ZNF710: variants seen among roughly 807,000 people sequenced by gnomAD.
The protein encoded by ZNF710 is zinc finger protein 710.
A neutral mutation model predicts 50.6 loss-of-function variants in ZNF710; 13 were observed. The ratio of observed to expected loss-of-function variants is 0.26; its 90% confidence interval spans 0.17 to 0.41. The LOEUF (loss-of-function observed/expected upper bound fraction) is 0.41, where lower values mean the gene tolerates loss of function less well. ZNF710 is among the 10% of genes least tolerant of loss of function. The pLI, the probability that ZNF710 is intolerant of heterozygous loss-of-function variation, is 1.00. For synonymous variants in ZNF710, 383 were observed against 397.0 expected (o/e 0.96, Z 0.42); for missense variants, 721 against 936.6 (o/e 0.77, Z 3.01).
At chr15:90,032,043 C>A (rs538670519) in intron 1 of ZNF710, among the ~76,000 whole-genome samples, 1 of 152,374 alleles carries the variant, frequency 6.6e-6, no homozygotes, top group African/African-American at 2.4e-5. Flanking sequence ...GTCGCCCAGG[C>A]TGGAGTGCAG....
At chr15:90,070,240 G>A (rs775738516) in intron 2 of ZNF710, among the ~76,000 whole-genome samples, 1 of 152,118 alleles carries the variant, frequency 6.6e-6, no homozygotes. Flanking sequence ...CACACCTGTA[G>A]TCCCAGTTAC....
intron 1 of ZNF710, among the ~76,000 whole-genome samples, chr15:90,066,474 A>ATTTTTTT (rs71461840): frequency 6.6e-5 from 8 of 120,522 alleles, no homozygotes; most frequent in South Asian, 5.7e-4. Context: ...ATTTTTAAGG[A>ATTTTTTT]TTTTTTTTTT....
intron 1 of ZNF710, among the ~76,000 whole-genome samples, chr15:90,052,925 TC>T (rs1183157017): frequency 6.6e-6 from 1 of 152,130 alleles, no homozygotes; most frequent in African/African-American, 2.4e-5. Flanking sequence ...AGAGAGAGAC[TC>T]TGCCTCAAAA....
chr15:90,044,009 G>A (rs1382315686), intron 1 of ZNF710, among the ~76,000 whole-genome samples: 1 of 152,146 alleles, frequency 6.6e-6, no homozygotes, highest in East Asian at 1.9e-4. Flanking sequence ...CAGTAGGGAA[G>A]TGGGTTTATT....
In ZNF710 at chr15:90,054,917, T is replaced by TAG. The variant is rs1349931836; in HGVS notation, c.-28-12193_-28-12192insAG. ...AGGGAAAAGAGGCGGGCAGGGTCTA[T>TAG]CTGGCTGCTGTCCAAAGCTGGTCTC... On this transcript the variant is annotated intron_variant, in intron 1 of 4. Transcript: ENST00000268154. Among the ~76,000 whole-genome samples the TAG allele has an allele frequency of 2.6e-5, 4 of 152,306 alleles. No individual in the cohort carries two copies. The East Asian group carries it at 7.7e-4, about 29-fold the overall frequency.
intron 1 of ZNF710, among the ~76,000 whole-genome samples, chr15:90,029,474 A>C (rs571777110): frequency 2.6e-5 from 4 of 152,162 alleles, no homozygotes; most frequent in Non-Finnish European, 5.9e-5. Context: ...GGACTTTCAA[A>C]CTTGATAATA....
chr15:90,035,121 G>C (rs1241648948), intron 1 of ZNF710, among the ~76,000 whole-genome samples: 3 of 152,260 alleles, frequency 2.0e-5, no homozygotes, highest in Non-Finnish European at 4.4e-5. Flanking sequence ...GGCTGGGCCA[G>C]GCTGGGCACA....
At chr15:90,061,251 A>G (rs908126317) in intron 1 of ZNF710, among the ~76,000 whole-genome samples, 1 of 152,148 alleles carries the variant, frequency 6.6e-6, no homozygotes, top group African/African-American at 2.4e-5. Context: ...GCTCACTGCA[A>G]CCTTCGCCTC....
intron 4 of ZNF710, among the ~76,000 whole-genome samples, chr15:90,078,603 C>G (rs578203800): frequency 6.6e-6 from 1 of 152,218 alleles, no homozygotes; most frequent in Non-Finnish European, 1.5e-5. Flanking sequence ...TTCCAGGTGA[C>G]AGTTGGCCAT....
chr15:89,998,822 G>A (rs1241197737), upstream of ZNF710, among the ~76,000 whole-genome samples: 1 of 152,180 alleles, frequency 6.6e-6, no homozygotes, highest in Admixed American at 6.5e-5. Flanking sequence ...CTTAAACTAA[G>A]ACACTGTCTC....
chr15:90,062,294 G>A lies in ZNF710; in HGVS notation c.-28-4816G>A, dbSNP rs1452481600. On this transcript the variant is annotated intron_variant, in intron 1 of 4. Coordinates refer to ENST00000268154, the MANE Select transcript of ZNF710 (RefSeq NM_198526.4). This position sits in a 1 kb window ranked among gnomAD's most constrained non-coding sequence, Gnocchi z 5.6. ...AACTACAATCAGGCAGCTCATCTGTGTCTATTTCCCCGCCTTTCACATTGA... is the reference window on the plus strand; with the variant it reads ...AACTACAATCAGGCAGCTCATCTGTATCTATTTCCCCGCCTTTCACATTGA... Among the ~76,000 whole-genome samples, 2 of 151,776 alleles carry A rather than the reference G, an allele frequency of 1.3e-5. No individual in the cohort carries two copies. Among genetic ancestry groups the A allele is most frequent in the Non-Finnish European group, 2.9e-5 (2 of 67,978 alleles).
At chr15:90,074,340 G>C in intron 4 of ZNF710, 50 bp downstream of exon 4, 1 of 1,602,750 alleles carries the variant, frequency 6.2e-7, no homozygotes, top group East Asian at 2.2e-5. Flanking sequence ...CCAACATGAC[G>C]CACTCAGGAG....
chr15:90,033,508 G>C (rs993935425), intron 1 of ZNF710, among the ~76,000 whole-genome samples: 6 of 152,172 alleles, frequency 3.9e-5, no homozygotes, highest in African/African-American at 1.4e-4. Flanking sequence ...AGGCTAGCCG[G>C]CTACTCCACG....
At chr15:90,072,997 C>A in intron 2 of ZNF710, 74 bp from the exon 3 acceptor site, 1 of 1,512,448 alleles carries the variant, frequency 6.6e-7, no homozygotes, top group Non-Finnish European at 9.0e-7. Flanking sequence ...TGCCCCTACC[C>A]GGCTCCCCAC....
rs1029876624 is a variant in ZNF710, at chr15:90,059,473, T to C, written c.-28-7637T>C. On this transcript the variant is annotated intron_variant, in intron 1 of 4. Coordinates refer to ENST00000268154, the MANE Select transcript of ZNF710 (RefSeq NM_198526.4). The surrounding 1 kb of genome is among the most constrained non-coding windows in gnomAD (Gnocchi z 4.1). ...CCTCATCTGTTAACAGGGCCGGGTATGGTGCGCATCACGGGGGTTTGTGGG... is the reference window on the plus strand; with the variant it reads ...CCTCATCTGTTAACAGGGCCGGGTACGGTGCGCATCACGGGGGTTTGTGGG... Among the ~76,000 whole-genome samples, 1 of 152,076 alleles carries C rather than the reference T, an allele frequency of 6.6e-6. No homozygotes were observed. The highest frequency in any genetic ancestry group is 6.5e-5 in the Admixed American group (1 of 15,270).
chr15:90,051,365 G>T (rs1441161780), intron 1 of ZNF710, among the ~76,000 whole-genome samples: 1 of 152,084 alleles, frequency 6.6e-6, no homozygotes, highest in Non-Finnish European at 1.5e-5. Context: ...TAGGCGCAGT[G>T]GTTCACGCCT....
At chr15:90,073,426 G>T (rs1398968588) in intron 3 of ZNF710, among the ~76,000 whole-genome samples, 164 bp downstream of exon 3, 2 of 152,260 alleles carry the variant, frequency 1.3e-5, no homozygotes, top group Admixed American at 1.3e-4. Flanking sequence ...GGGAGGGCAG[G>T]CGGGGATTCA....
intron 1 of ZNF710, among the ~76,000 whole-genome samples, chr15:90,041,720 A>AC (rs1282032289): frequency 1.3e-5 from 2 of 152,130 alleles, no homozygotes; most frequent in East Asian, 3.9e-4. Flanking sequence ...TAAGGGCAGG[A>AC]CCGAGTCTTG....
intron 1 of ZNF710, among the ~76,000 whole-genome samples, chr15:90,026,210 T>G (rs1292726887): frequency 6.9e-6 from 1 of 145,376 alleles, no homozygotes; most frequent in Admixed American, 7.0e-5. Context: ...CCCCTGGCAA[T>G]TCTATTTGAG....
Sources: allele counts gnomAD v4.1 joint callset (sites outside exome capture counted in the v4.1 genomes callset), GRCh38; gene constraint gnomAD v4.1.1; non-coding constraint Gnocchi (gnomAD v3.1); transcripts MANE v1.5; gene names NCBI Gene and HGNC (gene_info 2026-07-23, HGNC 2026-07-21).